Variants in XIST observed in about 807,000 individuals in gnomAD.
XIST encodes the protein X inactive specific transcript (non-protein coding).
exon 6 of XIST, chrX:73,826,715 T>C (rs967140025): frequency 1.8e-6 from 1 of 557,079 alleles, no homozygotes; most frequent in Non-Finnish European, 3.2e-6. Flanking sequence ...GCCTCCAGAT[T>C]CCGGCCGTTA....
intron 2 of XIST, among the ~76,000 whole-genome samples, chrX:73,835,109 A>G: frequency 8.9e-6 from 1 of 111,939 alleles, no homozygotes; most frequent in Non-Finnish European, 1.9e-5. Context: ...TGATACTTAA[A>G]CCCATGTCTT....
exon 1 of XIST, chrX:73,846,883 G>A (rs1323187977): frequency 7.2e-6 from 4 of 557,558 alleles, no homozygotes; most frequent in East Asian, 3.3e-5. Flanking sequence ...AGCAAAGAGG[G>A]TGTGATAGGT....
chrX:73,850,971 G>A lies in XIST; in HGVS notation n.1753C>T, dbSNP rs759047768. ...GTACCGCCCACTGGGAGACATACAC[G>A]TGGCCCCTCCACTTCTTTCTCCTGA... On this transcript the variant is annotated non_coding_transcript_exon_variant, in exon 1 of 6. Transcript: ENST00000429829. 1.8e-5 allele frequency: 10 copies of A among 557,657 alleles called. No individual in the cohort carries two copies. In the East Asian group the frequency reaches 2.3e-4, roughly 13 times the overall value. 46.0% of individuals were successfully genotyped at this position (557,657 alleles called of 1,213,427 possible).
At chrX:73,842,009 T>C (rs1362124856) in exon 1 of XIST, 3 of 546,311 alleles carry the variant, frequency 5.5e-6, no homozygotes, top group Admixed American at 4.6e-5. Context: ...ATATCTTTGA[T>C]ATTAAAATAG....
exon 1 of XIST, chrX:73,851,348 G>C (rs1455994124): frequency 1.4e-5 from 8 of 557,857 alleles, no homozygotes; most frequent in Middle Eastern, 3.1e-4. Context: ...GGCCCGCCAT[G>C]TTTTACACTG....
exon 5 of XIST, chrX:73,829,205 G>A: frequency 1.8e-6 from 1 of 557,418 alleles, no homozygotes; most frequent in East Asian, 3.3e-5. Context: ...GAAGTATAAT[G>A]ATTTGGCAGA....
At chrX:73,836,834 C>CA (rs1922492377) in intron 2 of XIST, among the ~76,000 whole-genome samples, 1 of 111,293 alleles carries the variant, frequency 9.0e-6, no homozygotes, top group South Asian at 3.7e-4. Context: ...AGTGCTCAAA[C>CA]AAAAAACCCA....
At chrX:73,849,854 G>C (rs552372858) in exon 1 of XIST, 23 of 354,983 alleles carry the variant, frequency 6.5e-5, no homozygotes, top group African/African-American at 5.8e-4. Context: ...AGGGCTGGGG[G>C]GTTAGGGGAC....
Position 73,834,989 on chromosome X carries a change from G to A in XIST, n.11407-1615C>T, listed in dbSNP as rs1403475157. Among the ~76,000 whole-genome samples the A allele has an allele frequency of 5.1e-5, 5 of 97,816 alleles. No homozygotes were observed. In the East Asian group the frequency reaches 1.5e-3, roughly 29 times the overall value. 84.9% of individuals were successfully genotyped at this position (97,816 alleles called of 115,157 possible). On this transcript the variant is annotated intron_variant and non_coding_transcript_variant, in intron 2 of 5. Coordinates refer to ENST00000429829, the Ensembl canonical transcript of XIST. ...AGCCTGGGCGAAAGAGCAAAACTCCGTCTCAAAAAAAAAAAAAAATCACAT... is the reference window on the plus strand; with the variant it reads ...AGCCTGGGCGAAAGAGCAAAACTCCATCTCAAAAAAAAAAAAAAATCACAT...
At chrX:73,824,110 C>T (rs1297592851) in exon 6 of XIST, 2 of 544,106 alleles carry the variant, frequency 3.7e-6, no homozygotes, top group South Asian at 4.6e-5. Flanking sequence ...ATATGGGTGG[C>T]AGTTTACAAA....
At chrX:73,845,048 C>T in exon 1 of XIST, 1 of 557,137 alleles carries the variant, frequency 1.8e-6, no homozygotes, top group Non-Finnish European at 3.2e-6. Flanking sequence ...ACCTACTGTA[C>T]TGCAAAAGGG....
chrX:73,821,204 A>G, exon 6 of XIST: 1 of 557,384 alleles, frequency 1.8e-6, no homozygotes. Context: ...GAAAACTAGA[A>G]AATTTCAACC....
At chrX:73,834,993 C>CAAAA (rs60685637) in intron 2 of XIST, among the ~76,000 whole-genome samples, 3 of 75,650 alleles carry the variant, frequency 4.0e-5, no homozygotes, top group African/African-American at 1.4e-4. Context: ...AACTCCGTCT[C>CAAAA]AAAAAAAAAA....
At chrX:73,850,141 A>G in exon 1 of XIST, 4 of 558,489 alleles carry the variant, frequency 7.2e-6, no homozygotes, top group South Asian at 2.2e-5. Context: ...TCTTTTTTAC[A>G]TTAGGTCATG....
exon 6 of XIST, chrX:73,824,557 TAAC>T (rs1922206348): frequency 1.8e-6 from 1 of 551,982 alleles, no homozygotes. Context: ...TTGGTTTGTA[TAAC>T]TACTTATAGA....
At chrX:73,831,640 G>A (rs1026993660) in intron 3 of XIST, among the ~76,000 whole-genome samples, 7 of 111,404 alleles carry the variant, frequency 6.3e-5, no homozygotes, top group Non-Finnish European at 9.4e-5. Context: ...TAGTAGGGGG[G>A]TCAAGAAATC....
At chrX:73,847,480 A>G in exon 1 of XIST, 1 of 513,319 alleles carries the variant, frequency 1.9e-6, no homozygotes, top group Non-Finnish European at 3.5e-6. Flanking sequence ...TCAGCCTCCC[A>G]AAGTGCTGGG....
exon 1 of XIST, chrX:73,846,519 G>A (rs748015438): frequency 6.6e-5 from 37 of 557,633 alleles, no homozygotes; most frequent in Non-Finnish European, 1.1e-4. Context: ...AAAGGGGTCG[G>A]AGAGTAGGAC....
chrX:73,850,069 A>G (rs1222206183), exon 1 of XIST: 1 of 557,159 alleles, frequency 1.8e-6, no homozygotes, highest in Non-Finnish European at 3.2e-6. Flanking sequence ...TGATTAGTCA[A>G]TTAGTGCAGC....
Sources: gnomAD v4.1 joint callset for allele counts (sites outside exome capture counted in the v4.1 genomes callset) on GRCh38, gnomAD v4.1.1 for gene constraint, MANE v1.5 for transcripts, NCBI Gene and HGNC (gene_info 2026-07-23, HGNC 2026-07-21) for gene names.